TBC1D12: variants seen among roughly 807,000 people sequenced by gnomAD.
TBC1D12 encodes the protein TBC1 domain family, member 12.
A neutral mutation model predicts 86.7 loss-of-function variants in TBC1D12; 56 were observed. The observed-to-expected ratio is 0.65, with a 90% CI of 0.52 to 0.81. The LOEUF (loss-of-function observed/expected upper bound fraction) is 0.81, where lower values mean the gene tolerates loss of function less well. Among genes scored for constraint, TBC1D12 ranks in the 30% least tolerant of loss-of-function variants. TBC1D12 has a pLI of 0.00. For missense variants in TBC1D12, 1,023 were observed against 1,038.8 expected, an observed-to-expected ratio of 0.98 and a Z score of 0.21; for synonymous variants, 421 against 411.7, an observed-to-expected ratio of 1.02 and a Z score of -0.27.
chr10:94,486,491 A>G (rs1439388376), intron 3 of TBC1D12, among the ~76,000 whole-genome samples: 1 of 150,900 alleles, frequency 6.6e-6, no homozygotes, highest in Non-Finnish European at 1.5e-5. Context: ...AGGTTTTGGT[A>G]TGTTTTATTT....
At chr10:94,485,966 T>A (rs1367171926) in intron 3 of TBC1D12, among the ~76,000 whole-genome samples, 1 of 152,072 alleles carries the variant, frequency 6.6e-6, no homozygotes, top group Non-Finnish European at 1.5e-5. Context: ...AATGTCTCCT[T>A]TTTCATCTCT....
At chr10:94,526,386 A>G (rs867560805) in intron 11 of TBC1D12, among the ~76,000 whole-genome samples, 1 of 151,530 alleles carries the variant, frequency 6.6e-6, no homozygotes, top group Non-Finnish European at 1.5e-5. Flanking sequence ...CTGATATTGT[A>G]CCACTATATT....
At chr10:94,450,512 T>C (rs895643294) in intron 2 of TBC1D12, among the ~76,000 whole-genome samples, 2 of 152,098 alleles carry the variant, frequency 1.3e-5, no homozygotes, top group Non-Finnish European at 2.9e-5. Context: ...TGAAGGCTCA[T>C]TAGCCACGAG....
At chr10:94,515,081 G>T (rs941742026) in intron 9 of TBC1D12, among the ~76,000 whole-genome samples, 1 of 149,942 alleles carries the variant, frequency 6.7e-6, no homozygotes, top group East Asian at 2.0e-4. Context: ...CTAATTTTTT[G>T]TATTTTTAGT....
intron 6 of TBC1D12, among the ~76,000 whole-genome samples, chr10:94,503,463 A>G (rs923431878): frequency 3.3e-5 from 5 of 152,208 alleles, no homozygotes; most frequent in Non-Finnish European, 5.9e-5. Context: ...CATTGCAGCA[A>G]TCAGCATTAT....
chr10:94,523,713 A>G (rs938367792), intron 11 of TBC1D12, among the ~76,000 whole-genome samples: 6 of 152,226 alleles, frequency 3.9e-5, no homozygotes, highest in African/African-American at 1.4e-4. Flanking sequence ...CTGTAGTCCC[A>G]GCACTTTGGG....
intron 2 of TBC1D12, among the ~76,000 whole-genome samples, chr10:94,459,266 C>T (rs1052882031): frequency 1.3e-5 from 2 of 151,852 alleles, no homozygotes; most frequent in African/African-American, 4.8e-5. Flanking sequence ...AGACACAGAG[C>T]AGTGATTGGT....
chr10:94,531,101 T>G, intron 11 of TBC1D12, 101 bp from the exon 12 acceptor site: 1 of 1,341,666 alleles, frequency 7.5e-7, no homozygotes, highest in Non-Finnish European at 1.0e-6. Flanking sequence ...TTTGCCTTCT[T>G]ATCCCTAATT....
chr10:94,486,171 A>G (rs1014493576), intron 3 of TBC1D12, among the ~76,000 whole-genome samples: 1 of 116,514 alleles, frequency 8.6e-6, no homozygotes, highest in African/African-American at 3.4e-5. Context: ...ATTGTTGAAC[A>G]TGGTCTCACT....
chr10:94,456,784 A>G (rs886377648), intron 2 of TBC1D12, among the ~76,000 whole-genome samples: 1 of 152,212 alleles, frequency 6.6e-6, no homozygotes, highest in Admixed American at 6.5e-5. Flanking sequence ...CCAGTGTAAT[A>G]GTAGATTCAT....
intron 9 of TBC1D12, among the ~76,000 whole-genome samples, chr10:94,516,448 A>G (rs1181549136): frequency 6.6e-6 from 1 of 152,138 alleles, no homozygotes; most frequent in Non-Finnish European, 1.5e-5. Context: ...ACTAAGTTCT[A>G]GGGTACATGT....
chr10:94,419,296 A>G (rs2055044044), intron 1 of TBC1D12, among the ~76,000 whole-genome samples: 1 of 152,240 alleles, frequency 6.6e-6, no homozygotes, highest in Admixed American at 6.5e-5. Flanking sequence ...TATTAAGTAT[A>G]TAGGTTATTT....
intron 3 of TBC1D12, among the ~76,000 whole-genome samples, chr10:94,490,747 G>A (rs1461508536): frequency 1.3e-5 from 2 of 152,120 alleles, no homozygotes; most frequent in Non-Finnish European, 2.9e-5. Flanking sequence ...TAGTTTAGGA[G>A]TAATTTGTCC....
intron 1 of TBC1D12, among the ~76,000 whole-genome samples, chr10:94,431,272 G>A (rs2055211324): frequency 6.6e-6 from 1 of 151,896 alleles, no homozygotes; most frequent in Non-Finnish European, 1.5e-5. Flanking sequence ...AAAATTAGCT[G>A]AGTGTGGTGG....
At chr10:94,419,752 A>C (rs2134061025) in intron 1 of TBC1D12, among the ~76,000 whole-genome samples, 1 of 152,358 alleles carries the variant, frequency 6.6e-6, no homozygotes, top group Middle Eastern at 3.4e-3. Context: ...ATTTTGTTTA[A>C]AAAGCCTTAA....
intron 11 of TBC1D12, among the ~76,000 whole-genome samples, chr10:94,526,159 C>T (rs1221362692): frequency 6.6e-6 from 1 of 152,124 alleles, no homozygotes; most frequent in Non-Finnish European, 1.5e-5. Context: ...CTGGCCAGTG[C>T]GATGGCTCAT....
chr10:94,407,408 G>A (rs984524958), intron 1 of TBC1D12, among the ~76,000 whole-genome samples: 6 of 152,142 alleles, frequency 3.9e-5, no homozygotes, highest in African/African-American at 7.2e-5. Context: ...GCAGCTGGGC[G>A]CAGTGGCTCA....
chr10:94,469,885 A>G (rs1407645240), intron 2 of TBC1D12, among the ~76,000 whole-genome samples: 1 of 152,204 alleles, frequency 6.6e-6, no homozygotes, highest in Non-Finnish European at 1.5e-5. Context: ...TATTGCCTCC[A>G]GGCATAACAG....
rs951735095 is a variant in TBC1D12, at chr10:94,522,159, C to T, written c.1890+76C>T. 9 of 1,490,668 alleles carry T rather than the reference C, an allele frequency of 6.0e-6. No homozygotes were observed. In the African/African-American group the frequency reaches 1.1e-4, roughly 19 times the overall value. 92.3% of individuals were successfully genotyped at this position (1,490,668 alleles called of 1,614,324 possible). On this transcript the variant is annotated intron_variant, in intron 10 of 12. Transcript: ENST00000225235. ...AGAGTGAAAAACAATAATTAGAAGG[C>T]CAAAACAATCTAATCTAATATAAAC... is the stretch of plus-strand genomic sequence containing the variant.
Sources: gnomAD v4.1 joint callset for allele counts (sites outside exome capture counted in the v4.1 genomes callset) on GRCh38, gnomAD v4.1.1 for gene constraint, MANE v1.5 for transcripts, NCBI Gene and HGNC (gene_info 2026-07-23, HGNC 2026-07-21) for gene names.